The following GPD2 variants were observed in gnomAD, a reference collection of about 807,000 sequenced individuals.
GPD2 encodes glycerol-3-phosphate dehydrogenase 2.
In GPD2, 54 loss-of-function variants were observed where a neutral mutation model predicts 82.4. That is an observed-to-expected ratio of 0.66 (90% CI 0.53 to 0.82). The LOEUF (loss-of-function observed/expected upper bound fraction) is 0.82, where lower values mean the gene tolerates loss of function less well. Among genes scored for constraint, GPD2 ranks in the 40% least tolerant of loss-of-function variants. The probability of loss-of-function intolerance (pLI) is 0.00; values close to 1 mark genes in which losing one functional copy is unlikely to be tolerated. For synonymous variants in GPD2, 288 were observed against 306.1 expected (o/e 0.94, Z 0.62); for missense variants, 748 against 896.2 (o/e 0.83, Z 2.11).
intron 1 of GPD2, among the ~76,000 whole-genome samples, chr2:156,450,175 G>C (rs1472402214): frequency 6.6e-6 from 1 of 152,218 alleles, no homozygotes; most frequent in African/African-American, 2.4e-5. Flanking sequence ...GAGAAGGGGA[G>C]AGCTGGGAGA....
At position 156,585,498 on chromosome 2, in the gene GPD2, A is replaced by G. The variant is rs1421321246; in HGVS notation, c.*2580A>G. ...AATGATAATGCTGGATTATTTGTTA[A>G]GCCAAGGTTGTCTGCCTCATATCCA... On this transcript the variant is annotated 3_prime_UTR_variant, in exon 17 of 17. Coordinates refer to ENST00000438166, the MANE Select transcript of GPD2 (RefSeq NM_000408.5). 1.3e-5 allele frequency: 2 copies of G among 152,448 alleles called. No homozygotes were observed. Among genetic ancestry groups the G allele is most frequent in the African/African-American group, 4.8e-5 (2 of 41,428 alleles). 9.4% of individuals were successfully genotyped at this position (152,448 alleles called of 1,614,324 possible). A position where few individuals can be genotyped will look rare whatever the true frequency, so the allele number is the denominator to read the frequency against.
Position 156,583,171 on chromosome 2 carries a change from G to T in GPD2, c.*253G>T. 3 of 449,660 alleles carry T rather than the reference G, an allele frequency of 6.7e-6. No individual in the cohort carries two copies. The highest frequency in any genetic ancestry group is 2.2e-5 in the South Asian group (1 of 46,204). The allele number at this position is 449,660 out of a possible 1,614,324, so 27.9% of individuals were successfully genotyped here. On this transcript the variant is annotated 3_prime_UTR_variant, in exon 17 of 17. Coordinates refer to ENST00000438166, the MANE Select transcript of GPD2 (RefSeq NM_000408.5). ...CTCATTTTCAATGCACATTAGTTTTGCATCTGTTTTGTGACCTGTTAGATG... is the reference window on the plus strand; with the variant it reads ...CTCATTTTCAATGCACATTAGTTTTTCATCTGTTTTGTGACCTGTTAGATG...
upstream of GPD2, among the ~76,000 whole-genome samples, chr2:156,432,253 A>C (rs1479705544): frequency 2.0e-5 from 3 of 152,316 alleles, no homozygotes; most frequent in Non-Finnish European, 4.4e-5. Context: ...ATTCATTAAA[A>C]ATTTTTTAAT....
At chr2:156,455,415 C>G (rs753178509) in intron 1 of GPD2, among the ~76,000 whole-genome samples, 4 of 152,168 alleles carry the variant, frequency 2.6e-5, no homozygotes, top group Non-Finnish European at 5.9e-5. Flanking sequence ...TGCTTAAAGC[C>G]TTCTTGACAA....
intron 2 of GPD2, among the ~76,000 whole-genome samples, chr2:156,493,618 A>T (rs1684261385): frequency 6.6e-6 from 1 of 152,184 alleles, no homozygotes; most frequent in Non-Finnish European, 1.5e-5. Context: ...CAGTTAGAGT[A>T]GAATAGAGGA....
chr2:156,473,294 C>T (rs1032392761), intron 1 of GPD2, among the ~76,000 whole-genome samples: 18 of 152,248 alleles, frequency 1.2e-4, no homozygotes, highest in Non-Finnish European at 1.6e-4. Context: ...ATTAGTGGCT[C>T]ATTGGGAAAA....
the GPD2 span, among the ~76,000 whole-genome samples, chr2:156,407,105 G>A: frequency 2.8e-4 from 42 of 152,168 alleles, no homozygotes; most frequent in Non-Finnish European, 4.4e-4. Context: ...CCAGCTACTC[G>A]GAAGGCTGAG....
At chr2:156,467,410 T>G (rs1425491540) in intron 1 of GPD2, among the ~76,000 whole-genome samples, 3 of 152,250 alleles carry the variant, frequency 2.0e-5, no homozygotes, top group Non-Finnish European at 4.4e-5. Flanking sequence ...TGTTGACTTT[T>G]ACTTGGTTTT....
chr2:156,558,181 G>C (rs544435447), intron 9 of GPD2, among the ~76,000 whole-genome samples: 1 of 152,020 alleles, frequency 6.6e-6, no homozygotes, highest in Non-Finnish European at 1.5e-5. Context: ...TTTTCATTCA[G>C]GCCAGTCTCA....
chr2:156,582,874 A>T lies in GPD2; in HGVS notation c.2140A>T (p.Arg714Ter). ...LMKTAEENLD[R>*]RVPIPVDRSC... ...GAAAACTGCAGAAGAGAACCTCGAC[A>T]GAAGAGTTCCAATTCCAGTGGACCG... The change falls in exon 17 of 17, where the codon AGA (arginine) becomes TGA (stop). Residue 714 changes from arginine (R) to a stop codon, truncating the protein, a stop_gained. Coordinates refer to ENST00000438166, the MANE Select transcript of GPD2 (RefSeq NM_000408.5). LOFTEE classifies it high-confidence loss of function. 6.2e-7 allele frequency: 1 copy of T among 1,613,290 alleles called. No individual in the cohort carries two copies. The highest frequency in any genetic ancestry group is 8.5e-7 in the Non-Finnish European group (1 of 1,179,350).
rs183860159 is a variant in GPD2 at position 156,460,306 on chromosome 2, T to C, written c.-8-15792T>C. Among the ~76,000 whole-genome samples, 216 of 152,292 alleles carry C rather than the reference T, an allele frequency of 1.4e-3. 1 individual carries two copies. Among genetic ancestry groups the C allele is most frequent in the South Asian group, 9.3e-3 (45 of 4,824 alleles). On this transcript the variant is annotated intron_variant, in intron 1 of 16. Coordinates refer to ENST00000438166, the MANE Select transcript of GPD2 (RefSeq NM_000408.5). Reference sequence around the variant, plus strand: ...AGTCAGAGTGTTCCTTGAGCTGGAATTGAAATGCATGGCCCTTTAGTTTCC... The same window carrying C: ...AGTCAGAGTGTTCCTTGAGCTGGAACTGAAATGCATGGCCCTTTAGTTTCC...
chr2:156,582,664 A>T, intron 16 of GPD2, 129 bp from the exon 17 acceptor site: 2 of 937,028 alleles, frequency 2.1e-6, no homozygotes, highest in Non-Finnish European at 3.5e-6. Flanking sequence ...TCTGAGCTGT[A>T]GTACTTGTTA....
rs1339188107 is a variant in GPD2 at position 156,439,856 on chromosome 2, A to ATAAATAAATAAATAAG, written c.-9+3358_-9+3359insGTAAATAAATAAATAA. On this transcript the variant is annotated intron_variant, in intron 1 of 16. Transcript: ENST00000438166. ...AAGGAGAATCTGTCTCAAAAAATAA[A>ATAAATAAATAAATAAG]TAAATAAATAAATAAATAAAGTGTC... 2.0e-5 allele frequency among the ~76,000 whole-genome samples: 3 copies of ATAAATAAATAAATAAG among 151,396 alleles called. No homozygotes were observed. The East Asian group carries it at 5.8e-4, about 29-fold the overall frequency.
intron 1 of GPD2, among the ~76,000 whole-genome samples, chr2:156,462,502 A>G (rs1683024141): frequency 7.4e-6 from 1 of 134,896 alleles, no homozygotes; most frequent in Admixed American, 8.2e-5. Flanking sequence ...GGGTTTCTCC[A>G]TATTGGTCGG....
At chr2:156,416,911 C>T in the GPD2 span, among the ~76,000 whole-genome samples, 3 of 152,118 alleles carry the variant, frequency 2.0e-5, no homozygotes, top group African/African-American at 7.2e-5. Flanking sequence ...TCAGCAGAGT[C>T]AGGTAGCAGC....
intron 11 of GPD2, among the ~76,000 whole-genome samples, chr2:156,569,757 T>C (rs1359135403): frequency 1.3e-5 from 2 of 152,098 alleles, no homozygotes; most frequent in African/African-American, 4.8e-5. Flanking sequence ...AAAAGTGGAG[T>C]TTATTTGGTT....
At chr2:156,551,515 T>C (rs1214678152) in intron 8 of GPD2, among the ~76,000 whole-genome samples, 2 of 152,122 alleles carry the variant, frequency 1.3e-5, no homozygotes, top group Non-Finnish European at 2.9e-5. Flanking sequence ...GTGTACTGTT[T>C]TTATTTCCAT....
intron 6 of GPD2, among the ~76,000 whole-genome samples, chr2:156,534,822 A>C (rs1052915065): frequency 2.0e-5 from 3 of 152,188 alleles, no homozygotes; most frequent in African/African-American, 7.2e-5. Context: ...AAAAAAAAAA[A>C]ACTCTAACAG....
intron 6 of GPD2, among the ~76,000 whole-genome samples, chr2:156,520,760 T>A (rs1450221940): frequency 2.0e-5 from 3 of 151,820 alleles, no homozygotes; most frequent in African/African-American, 7.3e-5. Context: ...AATTTTTTTG[T>A]ATTTCAGTAG....
Sources: gnomAD v4.1 joint callset for allele counts (sites outside exome capture counted in the v4.1 genomes callset) on GRCh38, gnomAD v4.1.1 for gene constraint, MANE v1.5 for transcripts, NCBI Gene and HGNC (gene_info 2026-07-23, HGNC 2026-07-21) for gene names.